The following SCD5 variants were observed in gnomAD, a reference collection of about 807,000 sequenced individuals.
SCD5 encodes the protein acyl-CoA-desaturase 4.
SCD5 carries 20 observed loss-of-function variants against 30.4 expected under a neutral mutation model. The observed-to-expected ratio is 0.66, with a 90% CI of 0.46 to 0.96. SCD5 has a LOEUF of 0.96. SCD5 is among the 40% of genes least tolerant of loss of function. SCD5 has a pLI of 0.00. For missense variants in SCD5, 381 were observed against 443.3 expected (o/e 0.86, Z 1.26); for synonymous variants, 173 against 176.4 (o/e 0.98, Z 0.16).
chr4:82,691,456 T>A (rs1049194966), intron 2 of SCD5, among the ~76,000 whole-genome samples: 2 of 152,068 alleles, frequency 1.3e-5, no homozygotes, highest in African/African-American at 4.8e-5. Context: ...AAAAGGCCAT[T>A]GTGTAGGTAG....
At position 82,715,929 on chromosome 4, in the gene SCD5, G is replaced by A. The variant is rs183508219; in HGVS notation, c.233-10516C>T. 2.2e-4 allele frequency among the ~76,000 whole-genome samples: 34 copies of A among 151,844 alleles called. 1 individual carries two copies. Among genetic ancestry groups the A allele is most frequent in the African/African-American group, 8.0e-4 (33 of 41,158 alleles). On this transcript the variant is annotated intron_variant, in intron 1 of 4. Coordinates refer to ENST00000319540, the MANE Select transcript of SCD5 (RefSeq NM_001037582.3). Reference sequence around the variant, plus strand: ...AAAATGTTTGGCAACTGGTACTTGTGGCCACACTCAAGTATAAGGAGAGCT... The same window carrying A: ...AAAATGTTTGGCAACTGGTACTTGTAGCCACACTCAAGTATAAGGAGAGCT...
At chr4:82,700,451 G>GA (rs1039921653) in intron 2 of SCD5, among the ~76,000 whole-genome samples, 6 of 151,854 alleles carry the variant, frequency 4.0e-5, no homozygotes, top group African/African-American at 1.5e-4. Flanking sequence ...ATCCAGAGTG[G>GA]AAAAAATCCC....
At chr4:82,641,253 CAAAAAAA>C (rs10708492) in intron 3 of SCD5, among the ~76,000 whole-genome samples, 2 of 52,190 alleles carry the variant, frequency 3.8e-5, no homozygotes, top group Admixed American at 7.2e-4. Flanking sequence ...AACTCCATCT[CAAAAAAA>C]AAAAAAAAAA....
At chr4:82,742,835 G>T (rs149939343) in intron 1 of SCD5, among the ~76,000 whole-genome samples, 59 of 152,222 alleles carry the variant, frequency 3.9e-4, no homozygotes, top group African/African-American at 1.4e-3. Context: ...CAATGATGCG[G>T]GTCTCTGAAG....
chr4:82,679,234 A>AAGAAAGAG (rs1335159755), intron 3 of SCD5, among the ~76,000 whole-genome samples: 9,068 of 95,856 alleles, frequency 0.095, 1,137 homozygotes, highest in East Asian at 0.13. Context: ...GAAAGAAAGA[A>AAGAAAGAG]AGAAAGAAAG....
intron 3 of SCD5, among the ~76,000 whole-genome samples, chr4:82,664,492 C>T (rs961112956): frequency 2.0e-5 from 3 of 152,080 alleles, no homozygotes; most frequent in Non-Finnish European, 4.4e-5. Flanking sequence ...TTAATAGAAC[C>T]ATTCTCAGAA....
chr4:82,764,685 C>T (rs1182355140), intron 1 of SCD5, among the ~76,000 whole-genome samples: 7 of 151,374 alleles, frequency 4.6e-5, no homozygotes, highest in Non-Finnish European at 1.0e-4. Flanking sequence ...TACACTGCTA[C>T]TATTTTTGCT....
At chr4:82,732,901 G>A (rs984873583) in intron 1 of SCD5, among the ~76,000 whole-genome samples, 2 of 152,118 alleles carry the variant, frequency 1.3e-5, no homozygotes, top group African/African-American at 4.8e-5. Flanking sequence ...AGGAAGCATT[G>A]GCACCACCTG....
At chr4:82,650,230 A>T (rs1194372306) in intron 3 of SCD5, among the ~76,000 whole-genome samples, 1 of 152,206 alleles carries the variant, frequency 6.6e-6, no homozygotes, top group Non-Finnish European at 1.5e-5. Flanking sequence ...AGTCCTCATG[A>T]AGCTTATAGT....
chr4:82,754,638 G>C (rs1451090949), intron 1 of SCD5, among the ~76,000 whole-genome samples: 1 of 152,136 alleles, frequency 6.6e-6, no homozygotes, highest in East Asian at 1.9e-4. Context: ...CATTTGCCAA[G>C]GGAGACGATC....
chr4:82,705,527 C>G (rs1470311387), intron 1 of SCD5, 114 bp from the exon 2 acceptor site: 1 of 1,359,292 alleles, frequency 7.4e-7, no homozygotes, highest in Non-Finnish European at 1.0e-6. Flanking sequence ...GGGGGGAAAG[C>G]TGCAACATGA....
intron 1 of SCD5, among the ~76,000 whole-genome samples, chr4:82,730,894 G>A (rs183812204): frequency 7.2e-5 from 11 of 152,002 alleles, no homozygotes; most frequent in African/African-American, 1.7e-4. Flanking sequence ...GTATTTTTTC[G>A]TCTTCTATAA....
chr4:82,670,769 A>G (rs1728302045), intron 3 of SCD5, among the ~76,000 whole-genome samples: 1 of 151,984 alleles, frequency 6.6e-6, no homozygotes. Context: ...GCAAATATCA[A>G]TTCCATATCA....
intron 1 of SCD5, among the ~76,000 whole-genome samples, chr4:82,751,346 C>T (rs1721098036): frequency 6.6e-6 from 1 of 152,158 alleles, no homozygotes; most frequent in Admixed American, 6.5e-5. Context: ...CAGGCATGCA[C>T]CACCATACCC....
intron 3 of SCD5, among the ~76,000 whole-genome samples, chr4:82,663,407 G>A (rs902577869): frequency 2.0e-5 from 3 of 152,146 alleles, no homozygotes; most frequent in African/African-American, 7.2e-5. Flanking sequence ...AAGGAAGGTT[G>A]GGGACAGGGT....
At chr4:82,631,605 T>C (rs977784881) in intron 4 of SCD5, 88 bp from the exon 5 acceptor site, 42 of 1,410,782 alleles carry the variant, frequency 3.0e-5, no homozygotes, top group Non-Finnish European at 3.7e-5. Context: ...GGGTTTACCA[T>C]GTGCAGGACA....
chr4:82,662,952 A>T (rs1190997757), intron 3 of SCD5, among the ~76,000 whole-genome samples: 2 of 152,152 alleles, frequency 1.3e-5, no homozygotes, highest in African/African-American at 4.8e-5. Flanking sequence ...TTAAGCAACC[A>T]TTAAACTAGA....
chr4:82,677,897 G>A (rs1728470093), intron 3 of SCD5, among the ~76,000 whole-genome samples: 1 of 151,844 alleles, frequency 6.6e-6, no homozygotes, highest in Non-Finnish European at 1.5e-5. Flanking sequence ...TGCTTGGGGA[G>A]AGCCTGGCTT....
intron 2 of SCD5, chr4:82,692,023 G>C (rs568694360): frequency 2.6e-5 from 4 of 152,526 alleles, no homozygotes; most frequent in African/African-American, 9.6e-5. Flanking sequence ...TCTGCCCTGA[G>C]ATCTACATGG....
Sources: gnomAD v4.1 joint callset for allele counts (sites outside exome capture counted in the v4.1 genomes callset) on GRCh38, gnomAD v4.1.1 for gene constraint, MANE v1.5 for transcripts, NCBI Gene and HGNC (gene_info 2026-07-23, HGNC 2026-07-21) for gene names.